Variants in ARHGEF28 observed in about 807,000 individuals in gnomAD.
ARHGEF28 encodes Rho guanine nucleotide exchange factor 28, also known as 190 kDa guanine nucleotide exchange factor.
In ARHGEF28, 152 loss-of-function variants were observed where a neutral mutation model predicts 206.6. The ratio of observed to expected loss-of-function variants is 0.74; its 90% CI spans 0.64 to 0.84. The LOEUF is 0.84. ARHGEF28 is among the 40% of genes least tolerant of loss of function. ARHGEF28 has a pLI of 0.00. For missense variants in ARHGEF28, 2,028 were observed against 2,073.2 expected, an observed-to-expected ratio of 0.98 and a Z score of 0.42; for synonymous variants, 763 against 776.4, an observed-to-expected ratio of 0.98 and a Z score of 0.29.
intron 1 of ARHGEF28, among the ~76,000 whole-genome samples, chr5:73,626,786 G>C (rs1206748649): frequency 9.8e-5 from 15 of 152,344 alleles, no homozygotes. Context: ...CGCAAGCTCA[G>C]GACACACGCA....
chr5:73,822,796 T>C (rs1756678241), intron 9 of ARHGEF28, among the ~76,000 whole-genome samples: 1 of 152,136 alleles, frequency 6.6e-6, no homozygotes, highest in South Asian at 2.1e-4. Flanking sequence ...GCTAATTTGT[T>C]TCATTTTTTT....
chr5:73,698,927 G>A (rs577660118), intron 2 of ARHGEF28, among the ~76,000 whole-genome samples: 1 of 151,932 alleles, frequency 6.6e-6, no homozygotes, highest in Non-Finnish European at 1.5e-5. Context: ...GGGAGAGGAG[G>A]CTGGAGCCAT....
intron 1 of ARHGEF28, among the ~76,000 whole-genome samples, chr5:73,682,830 C>T (rs760996315): frequency 2.8e-4 from 43 of 152,184 alleles, no homozygotes; most frequent in Admixed American, 1.8e-3. Context: ...ATCGCCTGAA[C>T]CTGGGAGGCG....
chr5:73,837,491 TA>T (rs1259253433), intron 10 of ARHGEF28, among the ~76,000 whole-genome samples: 1 of 152,118 alleles, frequency 6.6e-6, no homozygotes, highest in Non-Finnish European at 1.5e-5. Context: ...CTTGAGCCCT[TA>T]TTTTTTTTGT....
intron 35 of ARHGEF28, among the ~76,000 whole-genome samples, chr5:73,926,891 T>C (rs937266098): frequency 6.6e-6 from 1 of 152,254 alleles, no homozygotes; most frequent in Non-Finnish European, 1.5e-5. Flanking sequence ...AGCAGTCTGA[T>C]AGGAGCTGAG....
Position 73,832,462 on chromosome 5 carries a change from A to G in ARHGEF28, c.1146+3A>G. The G allele has an allele frequency of 1.2e-6, 2 of 1,611,792 alleles. No individual in the cohort carries two copies. Among genetic ancestry groups the G allele is most frequent in the South Asian group, 2.2e-5 (2 of 90,262 alleles). ...CTAACTGTATGGTGATTGATCAGGTAAGGCCCAACTGACATTACAGGATGA... is the reference window on the plus strand; with the variant it reads ...CTAACTGTATGGTGATTGATCAGGTGAGGCCCAACTGACATTACAGGATGA... On this transcript the variant is annotated splice_donor_region_variant and intron_variant, in intron 10 of 35. Transcript: ENST00000513042.
At chr5:73,786,822 C>G (rs896244551) in intron 7 of ARHGEF28, among the ~76,000 whole-genome samples, 1 of 152,144 alleles carries the variant, frequency 6.6e-6, no homozygotes, top group Admixed American at 6.5e-5. Context: ...ATATAACACA[C>G]GCCTATGGTG....
chr5:73,830,730 C>T (rs1397882638), intron 9 of ARHGEF28, among the ~76,000 whole-genome samples: 3 of 152,046 alleles, frequency 2.0e-5, no homozygotes, highest in Non-Finnish European at 2.9e-5. Flanking sequence ...AACTTTGGAA[C>T]TTTTATGATG....
chr5:73,744,456 A>G (rs145266735), intron 2 of ARHGEF28, among the ~76,000 whole-genome samples: 1 of 152,232 alleles, frequency 6.6e-6, no homozygotes, highest in Non-Finnish European at 1.5e-5. Context: ...ATGGGATAAT[A>G]ACCATGCATG....
chr5:73,736,783 A>T (rs1005997067), intron 2 of ARHGEF28, among the ~76,000 whole-genome samples: 7 of 150,980 alleles, frequency 4.6e-5, no homozygotes, highest in African/African-American at 1.7e-4. Flanking sequence ...GCAAATAGGT[A>T]CCTGCCATGG....
chr5:73,676,477 G>A (rs897529617), intron 1 of ARHGEF28, among the ~76,000 whole-genome samples: 1 of 152,090 alleles, frequency 6.6e-6, no homozygotes, highest in African/African-American at 2.4e-5. Context: ...GACCTCAGGT[G>A]ATCCACCCGC....
chr5:73,758,649 G>A lies in ARHGEF28; in HGVS notation c.475+5447G>A, dbSNP rs147642170. ...TGGTTCACTGTGACCTCTGCCTCCCGGATTCAAATGATTCTCCTGCCTCAG... is the reference window on the plus strand; with the variant it reads ...TGGTTCACTGTGACCTCTGCCTCCCAGATTCAAATGATTCTCCTGCCTCAG... On this transcript the variant is annotated intron_variant, in intron 4 of 35. Coordinates refer to ENST00000513042, the MANE Select transcript of ARHGEF28 (RefSeq NM_001177693.2). Among the ~76,000 whole-genome samples, 197 of 152,150 alleles carry A rather than the reference G, an allele frequency of 1.3e-3. 2 individuals are homozygous for A. The highest frequency in any genetic ancestry group is 4.4e-3 in the African/African-American group (181 of 41,516).
chr5:73,792,147 A>C (rs1269642195), intron 7 of ARHGEF28, among the ~76,000 whole-genome samples: 2 of 152,226 alleles, frequency 1.3e-5, no homozygotes, highest in Admixed American at 6.5e-5. Flanking sequence ...TAATATTTTT[A>C]AATGATTTTT....
At chr5:73,791,826 A>G (rs1356347165) in intron 7 of ARHGEF28, among the ~76,000 whole-genome samples, 1 of 152,192 alleles carries the variant, frequency 6.6e-6, no homozygotes, top group Non-Finnish European at 1.5e-5. Context: ...TCTGATTTAG[A>G]GGAGTAATCC....
At chr5:73,923,309 G>A (rs1763623659) in intron 35 of ARHGEF28, 1 of 713,788 alleles carries the variant, frequency 1.4e-6, no homozygotes, top group South Asian at 2.2e-5. Flanking sequence ...TACTAAATTT[G>A]TCTTTATGAG....
At position 73,885,752 on chromosome 5, in the gene ARHGEF28, A is replaced by G. The variant is rs2112672394; in HGVS notation, c.3056-98A>G. ...GGGATTTTTATTGTTTAGATGATAC[A>G]TTTAACTATATTTTAAAACTAAAGA... On this transcript the variant is annotated intron_variant, in intron 24 of 35. Coordinates refer to ENST00000513042, the MANE Select transcript of ARHGEF28 (RefSeq NM_001177693.2). The G allele has an allele frequency of 3.2e-6, 4 of 1,253,430 alleles. No individual in the cohort carries two copies. The South Asian group carries it at 6.9e-5, about 22-fold the overall frequency. The allele number at this position is 1,253,430 out of a possible 1,614,324, so 77.6% of individuals were successfully genotyped here. A position where few individuals can be genotyped will look rare whatever the true frequency, so the allele number is the denominator to read the frequency against.
At chr5:73,686,578 G>A (rs149744346) in intron 2 of ARHGEF28, among the ~76,000 whole-genome samples, 1,550 of 151,026 alleles carry the variant, frequency 0.01, 13 homozygotes, top group Non-Finnish European at 0.015. Context: ...GAGTGCAGTG[G>A]TGCGGTCTCG....
intron 1 of ARHGEF28, among the ~76,000 whole-genome samples, chr5:73,675,194 A>G (rs1285170512): frequency 6.6e-6 from 1 of 152,154 alleles, no homozygotes. Flanking sequence ...TGGGAATTGG[A>G]GGACACCCAG....
At chr5:73,898,225 A>T (rs991745486) in intron 30 of ARHGEF28, 132 bp downstream of exon 30, 6 of 1,133,974 alleles carry the variant, frequency 5.3e-6, no homozygotes, top group Non-Finnish European at 7.3e-6. Flanking sequence ...TTAGAAAAAA[A>T]CTGAGAATAA....
Sources: gnomAD v4.1 joint callset for allele counts (sites outside exome capture counted in the v4.1 genomes callset) on GRCh38, gnomAD v4.1.1 for gene constraint, MANE v1.5 for transcripts, NCBI Gene and HGNC (gene_info 2026-07-23, HGNC 2026-07-21) for gene names.